GRM7: variants seen among roughly 807,000 people sequenced by gnomAD.
The protein encoded by GRM7 is glutamate metabotropic receptor 7, also known as metabotropic glutamate receptor 7.
A neutral mutation model predicts 84.5 loss-of-function variants in GRM7; 35 were observed. The ratio of observed to expected loss-of-function variants is 0.41; its 90% confidence interval spans 0.32 to 0.55. The LOEUF is 0.55. Ranked by LOEUF, GRM7 falls within the 20% of genes least tolerant of loss-of-function variation. The probability of loss-of-function intolerance (pLI) is 0.19; values close to 1 mark genes in which losing one functional copy is unlikely to be tolerated. For missense variants in GRM7, 1,003 were observed against 1,194.6 expected (o/e 0.84, Z 2.36); for synonymous variants, 487 against 455.1 (o/e 1.07, Z -0.89).
intron 5 of GRM7, among the ~76,000 whole-genome samples, chr3:7,431,561 G>C (rs17047334): frequency 0.053 from 7,993 of 152,206 alleles, 646 homozygotes; most frequent in African/African-American, 0.17. Context: ...AACAGCTGGA[G>C]TTCGGTAACT....
At chr3:7,370,575 C>G (rs1358016708) in intron 4 of GRM7, among the ~76,000 whole-genome samples, 2 of 151,590 alleles carry the variant, frequency 1.3e-5, no homozygotes, top group Non-Finnish European at 2.9e-5. Flanking sequence ...CATGAAGGTT[C>G]AGGTATATCT....
At chr3:7,686,468 CTTAT>C (rs762078057) in intron 9 of GRM7, 12 of 1,076,506 alleles carry the variant, frequency 1.1e-5, no homozygotes, top group African/African-American at 3.1e-5. Flanking sequence ...CAATCTAATT[CTTAT>C]TTATTTATGT....
At chr3:7,137,270 T>C (rs1379961901) in intron 1 of GRM7, among the ~76,000 whole-genome samples, 1 of 152,112 alleles carries the variant, frequency 6.6e-6, no homozygotes, top group Non-Finnish European at 1.5e-5. Context: ...GAACCATAAA[T>C]TTGCATAAAT....
rs933537652 is a variant in GRM7 at position 7,167,961 on chromosome 3, G to A, written c.736+21293G>A. Among the ~76,000 whole-genome samples the A allele has an allele frequency of 1.1e-3, 120 of 114,180 alleles. 1 individual carries two copies. Among genetic ancestry groups the A allele is most frequent in the African/African-American group, 3.4e-3 (100 of 29,138 alleles). The allele number at this position is 114,180 out of a possible 152,430, so 74.9% of individuals were successfully genotyped here. A position where few individuals can be genotyped will look rare whatever the true frequency, so the allele number is the denominator to read the frequency against. On this transcript the variant is annotated intron_variant, in intron 2 of 9. Coordinates refer to ENST00000357716, the MANE Select transcript of GRM7 (RefSeq NM_000844.4). ...TCTAGTCTAGCCTGGGCGACTGAGC[G>A]AGACTCTGTCTCAAAAAAAAAAAAA...
At chr3:6,984,366 C>A (rs865824739) in intron 1 of GRM7, among the ~76,000 whole-genome samples, 1 of 152,266 alleles carries the variant, frequency 6.6e-6, no homozygotes, top group Middle Eastern at 3.4e-3. Context: ...AAACTCTCTC[C>A]AACTGCTGTT....
intron 4 of GRM7, among the ~76,000 whole-genome samples, chr3:7,326,825 C>T (rs1701006555): frequency 6.7e-6 from 1 of 148,956 alleles, no homozygotes; most frequent in African/African-American, 2.5e-5. Context: ...CACAGTGGAA[C>T]TCCGTCTCAA....
intron 1 of GRM7, among the ~76,000 whole-genome samples, chr3:6,946,867 G>A (rs1393361483): frequency 6.6e-6 from 1 of 152,150 alleles, no homozygotes; most frequent in Non-Finnish European, 1.5e-5. Context: ...TGTTATTGCT[G>A]TATAAGAAAG....
chr3:7,386,269 T>A (rs1694782197), intron 4 of GRM7, among the ~76,000 whole-genome samples: 1 of 152,256 alleles, frequency 6.6e-6, no homozygotes, highest in South Asian at 2.1e-4. Context: ...AAGTTCTTTT[T>A]TAATGTTTTT....
intron 2 of GRM7, among the ~76,000 whole-genome samples, chr3:7,233,295 CT>C (rs1320631497): frequency 6.6e-6 from 1 of 152,098 alleles, no homozygotes. Flanking sequence ...GCTAAAAAGA[CT>C]TCTTGATCAC....
chr3:7,000,124 C>T (rs1694956575), intron 1 of GRM7, among the ~76,000 whole-genome samples: 1 of 145,472 alleles, frequency 6.9e-6, no homozygotes, highest in African/African-American at 2.5e-5. Flanking sequence ...AACTTTTTTT[C>T]ATCAATATAA....
intron 7 of GRM7, among the ~76,000 whole-genome samples, chr3:7,509,497 G>A (rs185837781): frequency 4.1e-4 from 62 of 152,256 alleles, no homozygotes; most frequent in African/African-American, 1.5e-3. Flanking sequence ...AAGATGTATT[G>A]TATGTATGTA....
intron 7 of GRM7, among the ~76,000 whole-genome samples, chr3:7,465,765 G>A (rs766300908): frequency 1.3e-5 from 2 of 151,892 alleles, no homozygotes; most frequent in African/African-American, 2.4e-5. Flanking sequence ...CTTTCTCTGT[G>A]GTCAGTAATT....
chr3:7,274,552 T>C (rs1242039458), intron 2 of GRM7, among the ~76,000 whole-genome samples: 1 of 152,064 alleles, frequency 6.6e-6, no homozygotes, highest in African/African-American at 2.4e-5. Context: ...TGGTTGATGT[T>C]TTATTTTTGT....
At chr3:7,099,562 C>T (rs954126324) in intron 1 of GRM7, among the ~76,000 whole-genome samples, 2 of 144,962 alleles carry the variant, frequency 1.4e-5, no homozygotes, top group Admixed American at 7.0e-5. Flanking sequence ...TATATGTACA[C>T]GCATTATACA....
intron 7 of GRM7, among the ~76,000 whole-genome samples, chr3:7,575,238 A>C (rs934490035): frequency 6.6e-6 from 1 of 152,194 alleles, no homozygotes; most frequent in Non-Finnish European, 1.5e-5. Context: ...CCAAAACCAT[A>C]AACCTTGGAT....
intron 2 of GRM7, among the ~76,000 whole-genome samples, chr3:7,249,031 T>A (rs939141847): frequency 2.6e-5 from 4 of 152,208 alleles, no homozygotes; most frequent in African/African-American, 9.6e-5. Context: ...GATATTTACA[T>A]TAACTCGAGG....
intron 4 of GRM7, among the ~76,000 whole-genome samples, chr3:7,371,574 G>C (rs1438188157): frequency 6.6e-6 from 1 of 152,116 alleles, no homozygotes; most frequent in Non-Finnish European, 1.5e-5. Context: ...GGCCAATACT[G>C]AGTGCTTTCT....
chr3:7,578,291 C>T, intron 7 of GRM7, 131 bp from the exon 8 acceptor site: 1 of 631,822 alleles, frequency 1.6e-6, no homozygotes, highest in Non-Finnish European at 2.8e-6. Flanking sequence ...GTAACTCTTG[C>T]AAGCTGAGGG....
rs561747520 is a variant in GRM7, at chr3:7,553,737, T to C, written c.1516-24685T>C. Among the ~76,000 whole-genome samples, 57 of 152,212 alleles carry C rather than the reference T, an allele frequency of 3.7e-4. No individual in the cohort carries two copies. The South Asian group carries it at 9.1e-3, about 24-fold the overall frequency. On this transcript the variant is annotated intron_variant, in intron 7 of 9. Transcript: ENST00000357716. ...TCTCCTGAGAACAGCATGGGGGAAATCACCCTCTGATTCATTTACCTCCAC... is the reference window on the plus strand; with the variant it reads ...TCTCCTGAGAACAGCATGGGGGAAACCACCCTCTGATTCATTTACCTCCAC...
Sources: gnomAD v4.1 joint callset for allele counts (sites outside exome capture counted in the v4.1 genomes callset) on GRCh38, gnomAD v4.1.1 for gene constraint, MANE v1.5 for transcripts, NCBI Gene and HGNC (gene_info 2026-07-23, HGNC 2026-07-21) for gene names.